The following COPG1 variants were observed in gnomAD, a reference collection of about 807,000 sequenced individuals.
The protein encoded by COPG1 is coat protein complex I subunit gamma 1, also known as coatomer subunit gamma-1.
In COPG1, 29 loss-of-function variants were observed where a neutral mutation model predicts 102.8. That is an observed-to-expected ratio of 0.28 (90% CI 0.21 to 0.38). The LOEUF is 0.38. Ranked by LOEUF, COPG1 falls within the 10% of genes least tolerant of loss-of-function variation. The pLI is 1.00. For synonymous variants in COPG1, 406 were observed against 421.6 expected (o/e 0.96, Z 0.45); for missense variants, 875 against 1,132.7 (o/e 0.77, Z 3.27).
In COPG1 at chr3:129,257,561, A is replaced by T. The variant is rs888795395; in HGVS notation, c.671A>T (p.Lys224Met). 3 of 1,614,130 alleles carry T rather than the reference A, an allele frequency of 1.9e-6. No individual in the cohort carries two copies. In the African/African-American group the frequency reaches 4.0e-5, roughly 22 times the overall value. Residue 224 changes from lysine to methionine, a missense_variant, in exon 9 of 24, where the codon AAG becomes ATG. Lys to Met is a moderately conservative substitution (Grantham distance 95). Transcript: ENST00000314797. The part of the protein sequence containing the change: ...MISKVTRHGL[K>M]SPFAYCMMIR... ...AGCAAGGTCACACGGCATGGCCTTA[A>T]GTCTCCCTTTGCCTACTGCATGATG...
In COPG1 at chr3:129,256,107, G is replaced by C; in HGVS notation, c.532G>C (p.Val178Leu). 6.2e-7 allele frequency: 1 copy of C among 1,614,042 alleles called. No homozygotes were observed. The highest frequency in any genetic ancestry group is 8.5e-7 in the Non-Finnish European group (1 of 1,179,940). ...CAGCTTTGACGTGGTCAAGCGCTGG[G>C]TGAATGAGGCTCAGGAGGCAGCATC... ...KCSFDVVKRWVNEAQEAASSD... is the reference protein window; with the variant it reads ...KCSFDVVKRWLNEAQEAASSD... The change falls in exon 8 of 24, where the codon GTG (valine) becomes CTG (leucine). Residue 178 changes from valine to leucine, a missense_variant. Physicochemically the swap from Val to Leu is conservative, Grantham distance 32 (BLOSUM62 1). Coordinates refer to ENST00000314797, the MANE Select transcript of COPG1 (RefSeq NM_016128.4).
rs1311819721 is a variant in COPG1, at chr3:129,267,053, G to T, written c.1498G>T (p.Ala500Ser). 6.2e-7 allele frequency: 1 copy of T among 1,613,850 alleles called. No homozygotes were observed. The highest frequency in any genetic ancestry group is 8.5e-7 in the Non-Finnish European group (1 of 1,179,860). Residue 500 changes from alanine to serine, a missense_variant, in exon 15 of 24, where the codon GCC becomes TCC. Transcript: ENST00000314797. ...TGTGAGTGCTCTGGCGAAGTTTGGAGCCCAGAATGAAGAGATGTTACCCAG... is the reference window on the plus strand; with the variant it reads ...TGTGAGTGCTCTGGCGAAGTTTGGATCCCAGAATGAAGAGATGTTACCCAG... Reference protein sequence around the residue: ...GAVSALAKFGAQNEEMLPSIL... With the variant: ...GAVSALAKFGSQNEEMLPSIL...
chr3:129,261,449 T>C (rs62266878), intron 12 of COPG1, among the ~76,000 whole-genome samples: 14,618 of 152,220 alleles, frequency 0.096, 763 homozygotes, highest in Middle Eastern at 0.2. Flanking sequence ...CAGGGCTCAA[T>C]CATGTAAGGC....
At chr3:129,268,733 A>T in intron 17 of COPG1, 113 bp downstream of exon 17, 5 of 1,319,044 alleles carry the variant, frequency 3.8e-6, no homozygotes, top group Non-Finnish European at 5.3e-6. Context: ...TGCTGGGAGG[A>T]GGAAATGATC....
intron 11 of COPG1, 68 bp downstream of exon 11, chr3:129,260,468 C>A (rs1939905310): frequency 6.5e-7 from 1 of 1,543,566 alleles, no homozygotes; most frequent in Non-Finnish European, 8.9e-7. Context: ...TAGCCTCTGA[C>A]CTGGCTGGGA....
Position 129,263,845 on chromosome 3 carries a change from A to G in COPG1, c.1129-59A>G, listed in dbSNP as rs1939996816. ...GAAGGACTCAGTGGGCACTCAGGGA[A>G]CTGAGTCACCCCATCTTGGTGGCAG... On this transcript the variant is annotated intron_variant, in intron 12 of 23. Coordinates refer to ENST00000314797, the MANE Select transcript of COPG1 (RefSeq NM_016128.4). The G allele has an allele frequency of 4.2e-6, 6 of 1,438,324 alleles. No individual in the cohort carries two copies. In the African/African-American group the frequency reaches 4.2e-5, roughly 10 times the overall value. The allele number at this position is 1,438,324 out of a possible 1,614,324, so 89.1% of individuals were successfully genotyped here. A position where few individuals can be genotyped will look rare whatever the true frequency, so the allele number is the denominator to read the frequency against.
At chr3:129,256,186 A>G (rs1291095207) in intron 8 of COPG1, 32 bp downstream of exon 8, 1 of 1,585,198 alleles carries the variant, frequency 6.3e-7, no homozygotes, top group African/African-American at 1.3e-5. Context: ...GATATTTAAA[A>G]CACTCAGGCA....
At chr3:129,269,406 C>T (rs1440239511) in intron 18 of COPG1, among the ~76,000 whole-genome samples, 1 of 152,062 alleles carries the variant, frequency 6.6e-6, no homozygotes, top group Non-Finnish European at 1.5e-5. Context: ...TTCAGGTATC[C>T]ATCTGTCCTC....
chr3:129,277,560 T>TA lies in COPG1; in HGVS notation c.*137dup. ...TTAGGAATCATTGCAGATTTTTTTT[T>TA]ATTCTGCTCCCACCTCCCACCCGGG... On this transcript the variant is annotated 3_prime_UTR_variant, in exon 24 of 24. Coordinates refer to ENST00000314797, the MANE Select transcript of COPG1 (RefSeq NM_016128.4). The TA allele has an allele frequency of 1.0e-6, 1 of 971,254 alleles. No homozygotes were observed. Among genetic ancestry groups the TA allele is most frequent in the African/African-American group, 1.6e-5 (1 of 60,836 alleles). 60.2% of individuals were successfully genotyped at this position (971,254 alleles called of 1,614,324 possible).
In COPG1 at chr3:129,271,864, C is replaced by A. The variant is rs1490026515; in HGVS notation, c.1941C>A (p.Val647=). 6.2e-7 allele frequency: 1 copy of A among 1,614,058 alleles called. No individual in the cohort carries two copies. The highest frequency in any genetic ancestry group is 1.3e-5 in the African/African-American group (1 of 74,934). ...TCACCGAGTCAGAGACGGAGTATGTCATCCGCTGCACCAAACACACCTTCA... is the reference window on the plus strand; with the variant it reads ...TCACCGAGTCAGAGACGGAGTATGTAATCCGCTGCACCAAACACACCTTCA... ...VALTESETEY[V]IRCTKHTFTN... The change falls in exon 19 of 24, where the codon GTC becomes GTA. Residue 647 remains valine (V), a synonymous_variant. Transcript: ENST00000314797. The surrounding 1 kb of genome is among the most constrained non-coding windows in gnomAD (Gnocchi z 4.7).
intron 4 of COPG1, 77 bp from the exon 5 acceptor site, chr3:129,252,799 G>A: frequency 6.4e-7 from 1 of 1,555,902 alleles, no homozygotes; most frequent in Non-Finnish European, 8.8e-7. Context: ...TGCCTTTGTG[G>A]AGACAGGAGG....
intron 3 of COPG1, 97 bp from the exon 4 acceptor site, chr3:129,252,526 C>A (rs1174536297): frequency 1.8e-6 from 2 of 1,136,922 alleles, no homozygotes; most frequent in Non-Finnish European, 2.6e-6. Context: ...TGCCCTTGAG[C>A]CTCTTTAGGG....
chr3:129,256,462 C>T (rs533330949), intron 8 of COPG1, among the ~76,000 whole-genome samples: 32 of 152,216 alleles, frequency 2.1e-4, no homozygotes, highest in Middle Eastern at 3.2e-3. Flanking sequence ...GGCAGAGGGC[C>T]GCCTAAATTT....
Position 129,265,717 on chromosome 3 carries a change from A to G in COPG1, c.1393A>G (p.Lys465Glu). 6.2e-7 allele frequency: 1 copy of G among 1,614,166 alleles called. No homozygotes were observed. The highest frequency in any genetic ancestry group is 1.7e-5 in the Admixed American group (1 of 60,016). ...ACATCTCCTGGGCCAGGAGGGGCCC[A>G]AGACCACCAATCCCTCAAAGTACAT... The part of the protein sequence containing the change: ...ILHLLGQEGP[K>E]TTNPSKYIRF... Residue 465 changes from lysine (K) to glutamate (E), a missense_variant, in exon 14 of 24, where the codon AAG becomes GAG. Lys to Glu is a moderately conservative substitution (Grantham distance 56). Transcript: ENST00000314797.
At position 129,257,834 on chromosome 3, in the gene COPG1, C is replaced by G. The variant is rs1419298652; in HGVS notation, c.845C>G (p.Ala282Gly). The change falls in exon 10 of 24, where the codon GCC (alanine) becomes GGC (glycine). Residue 282 changes from alanine (A) to glycine (G), a missense_variant. Physicochemically the swap from Ala to Gly is moderately conservative, Grantham distance 60 (BLOSUM62 0). Coordinates refer to ENST00000314797, the MANE Select transcript of COPG1 (RefSeq NM_016128.4). ...ATCGTCAATCTGCCAGGCTGCAGTG[C>G]CAAAGAGCTGGCCCCGGCTGTGTCA... ...SAIVNLPGCS[A>G]KELAPAVSVL... The G allele has an allele frequency of 1.3e-5, 21 of 1,613,684 alleles. No individual in the cohort carries two copies. Among genetic ancestry groups the G allele is most frequent in the Non-Finnish European group, 1.7e-5 (20 of 1,180,040 alleles).
chr3:129,260,867 C>G (rs1351405667), intron 12 of COPG1, 60 bp downstream of exon 12: 1 of 1,549,984 alleles, frequency 6.5e-7, no homozygotes, highest in African/African-American at 1.4e-5. Flanking sequence ...TCCCTGCTCT[C>G]TGTGGCCACA....
chr3:129,250,553 G>T (rs959801616), intron 1 of COPG1, 129 bp from the exon 2 acceptor site: 43 of 715,604 alleles, frequency 6.0e-5, no homozygotes, highest in East Asian at 8.0e-5. Flanking sequence ...GTAGAGGCTT[G>T]ATTGCCATTC....
intron 12 of COPG1, 41 bp downstream of exon 12, chr3:129,260,848 G>A: frequency 6.3e-7 from 1 of 1,596,558 alleles, no homozygotes; most frequent in Non-Finnish European, 8.6e-7. Context: ...CCCAGAGGAA[G>A]GAGCTCTGTC....
rs10934875 is a variant in COPG1, at chr3:129,268,887, G to A, written c.1775-45G>A. The A allele has an allele frequency of 0.14, 215,603 of 1,562,324 alleles. 23,444 individuals carry two copies. The highest frequency in any genetic ancestry group is 0.57 in the African/African-American group (42,296 of 73,748). On this transcript the variant is annotated intron_variant, in intron 17 of 23. Transcript: ENST00000314797. ...ACTGGGGTCACCACCACACTGCCCC[G>A]TGACTCCAGCTGTTGGTCATCACGT...
Sources: allele counts gnomAD v4.1 joint callset (sites outside exome capture counted in the v4.1 genomes callset), GRCh38; gene constraint gnomAD v4.1.1; non-coding constraint Gnocchi (gnomAD v3.1); transcripts MANE v1.5; gene names NCBI Gene and HGNC (gene_info 2026-07-23, HGNC 2026-07-21).